The following GRID2 variants were observed in gnomAD, a reference collection of about 807,000 sequenced individuals.
GRID2 encodes the protein glutamate receptor ionotropic, delta-2.
In GRID2, 33 loss-of-function variants were observed where a neutral mutation model predicts 114.8. The ratio of observed to expected loss-of-function variants is 0.29; its 90% CI spans 0.22 to 0.38. The LOEUF (loss-of-function observed/expected upper bound fraction) is 0.38. Among genes scored for constraint, GRID2 ranks in the 10% least tolerant of loss-of-function variants. The pLI is 1.00. For missense variants in GRID2, 1,184 were observed against 1,257.7 expected (o/e 0.94, Z 0.89); for synonymous variants, 505 against 449.9 (o/e 1.12, Z -1.55).
chr4:93,695,402 C>A (rs1490874611), intron 14 of GRID2, among the ~76,000 whole-genome samples: 1 of 151,918 alleles, frequency 6.6e-6, no homozygotes, highest in African/African-American at 2.4e-5. Context: ...CGTGTAGAAC[C>A]AAAAGACTAG....
intron 8 of GRID2, among the ~76,000 whole-genome samples, chr4:93,317,986 AATATATAT>A (rs58755199): frequency 0.36 from 36,198 of 100,848 alleles, 6,367 homozygotes; most frequent in Non-Finnish European, 0.41. Flanking sequence ...TTAAAAGTGA[AATATATAT>A]ATATATATAT....
intron 2 of GRID2, among the ~76,000 whole-genome samples, chr4:92,736,359 T>C (rs1023827160): frequency 1.3e-5 from 2 of 152,102 alleles, no homozygotes; most frequent in Non-Finnish European, 2.9e-5. Flanking sequence ...TTTAGCCACA[T>C]GAAATGAATT....
chr4:92,967,474 T>A (rs563219638), intron 2 of GRID2, among the ~76,000 whole-genome samples: 21 of 151,848 alleles, frequency 1.4e-4, no homozygotes, highest in African/African-American at 5.1e-4. Flanking sequence ...CTCTGTAGCT[T>A]TTATTTATTT....
intron 1 of GRID2, among the ~76,000 whole-genome samples, chr4:92,583,434 A>G (rs1189828558): frequency 6.6e-6 from 1 of 152,016 alleles, no homozygotes; most frequent in Non-Finnish European, 1.5e-5. Flanking sequence ...TTAGTCAGTC[A>G]GAGTGCTTGT....
chr4:92,676,703 C>T, intron 2 of GRID2, among the ~76,000 whole-genome samples: 1 of 151,982 alleles, frequency 6.6e-6, no homozygotes, highest in Non-Finnish European at 1.5e-5. Context: ...TGAGATGTTA[C>T]ATTTTCTTAA....
At chr4:92,561,618 T>C (rs1455195244) in intron 1 of GRID2, among the ~76,000 whole-genome samples, 1 of 152,226 alleles carries the variant, frequency 6.6e-6, no homozygotes, top group African/African-American at 2.4e-5. Flanking sequence ...AGGTGTGGGA[T>C]AGATTATTTC....
chr4:93,464,420 A>G (rs1272564303), intron 11 of GRID2, among the ~76,000 whole-genome samples: 1 of 152,204 alleles, frequency 6.6e-6, no homozygotes, highest in Non-Finnish European at 1.5e-5. Flanking sequence ...CATTTAGCCT[A>G]GCTCTAGAAT....
chr4:93,392,285 C>G (rs1175661162), intron 8 of GRID2, among the ~76,000 whole-genome samples: 1 of 152,018 alleles, frequency 6.6e-6, no homozygotes, highest in African/African-American at 2.4e-5. Flanking sequence ...CAAAAACAAC[C>G]ACCTCCACAT....
chr4:93,298,259 T>C (rs529976850), intron 8 of GRID2, among the ~76,000 whole-genome samples: 28 of 152,310 alleles, frequency 1.8e-4, no homozygotes, highest in African/African-American at 5.8e-4. Context: ...CAAAGTGCCA[T>C]AGGCTGAATG....
chr4:92,903,067 AT>A (rs904486859), intron 2 of GRID2, among the ~76,000 whole-genome samples: 1 of 151,306 alleles, frequency 6.6e-6, no homozygotes. Flanking sequence ...TAATTTTAGG[AT>A]TTTTTTTCCT....
At chr4:92,652,691 C>T (rs2149262875) in intron 2 of GRID2, among the ~76,000 whole-genome samples, 1 of 135,432 alleles carries the variant, frequency 7.4e-6, no homozygotes, top group South Asian at 2.7e-4. Context: ...GTAATTTTGG[C>T]CGGGCGCGGT....
intron 2 of GRID2, among the ~76,000 whole-genome samples, chr4:92,696,486 T>A (rs1259414565): frequency 1.3e-5 from 2 of 152,146 alleles, no homozygotes; most frequent in South Asian, 2.1e-4. Context: ...AACTCCCAGA[T>A]AATTTACTGT....
chr4:93,505,790 A>C (rs987180487), intron 12 of GRID2, among the ~76,000 whole-genome samples: 1 of 151,866 alleles, frequency 6.6e-6, no homozygotes, highest in African/African-American at 2.4e-5. Context: ...ATTTCTGTCA[A>C]CACTGTCAGA....
At chr4:92,820,934 C>A (rs1290817958) in intron 2 of GRID2, among the ~76,000 whole-genome samples, 1 of 151,782 alleles carries the variant, frequency 6.6e-6, no homozygotes, top group Non-Finnish European at 1.5e-5. Flanking sequence ...ACAAAATAAC[C>A]TAGAAGCAAT....
intron 2 of GRID2, among the ~76,000 whole-genome samples, chr4:92,789,427 T>A (rs1381030221): frequency 6.6e-6 from 1 of 151,880 alleles, no homozygotes; most frequent in Non-Finnish European, 1.5e-5. Flanking sequence ...GGATTTCAGT[T>A]GGACACACGT....
chr4:93,246,151 C>A (rs1748177934), intron 8 of GRID2, among the ~76,000 whole-genome samples: 1 of 152,144 alleles, frequency 6.6e-6, no homozygotes, highest in Non-Finnish European at 1.5e-5. Flanking sequence ...AACAGAAAAT[C>A]TGATGGTAAA....
chr4:92,756,951 T>C (rs1031573653), intron 2 of GRID2, among the ~76,000 whole-genome samples: 4 of 152,048 alleles, frequency 2.6e-5, no homozygotes, highest in African/African-American at 9.7e-5. Context: ...AGGTTTTTGG[T>C]TTAATATAGT....
chr4:92,990,281 GTGTGTGTATATA>G (rs1318404990), intron 2 of GRID2, among the ~76,000 whole-genome samples: 5 of 50,104 alleles, frequency 1.0e-4, no homozygotes, highest in African/African-American at 3.0e-4. Context: ...ACGTAGATAT[GTGTGTGTATATA>G]TATATATATA....
rs184644606 is a variant in GRID2 at position 93,718,038 on chromosome 4, G to A, written c.2361-51172G>A. Among the ~76,000 whole-genome samples, 779 of 152,232 alleles carry A rather than the reference G, an allele frequency of 5.1e-3. 9 individuals carry two copies. The highest frequency in any genetic ancestry group is 7.0e-3 in the Non-Finnish European group (478 of 68,024). On this transcript the variant is annotated intron_variant, in intron 14 of 15. Coordinates refer to ENST00000282020, the MANE Select transcript of GRID2 (RefSeq NM_001510.4). Reference sequence around the variant, plus strand: ...TGGGAGGCCGAGGCAGGCGGATCACGAGGTCAGGAGATCGAGACCATCCTG... The same window carrying A: ...TGGGAGGCCGAGGCAGGCGGATCACAAGGTCAGGAGATCGAGACCATCCTG...
Sources: allele counts gnomAD v4.1 joint callset (sites outside exome capture counted in the v4.1 genomes callset), GRCh38; gene constraint gnomAD v4.1.1; transcripts MANE v1.5; gene names NCBI Gene and HGNC (gene_info 2026-07-23, HGNC 2026-07-21).